CTNNBL1: variants seen among roughly 807,000 people sequenced by gnomAD.
CTNNBL1 encodes catenin beta like 1, also known as beta-catenin-like protein 1.
A neutral mutation model predicts 72.7 loss-of-function variants in CTNNBL1; 31 were observed. That is an observed-to-expected ratio of 0.43 (90% confidence interval 0.32 to 0.58). The LOEUF (loss-of-function observed/expected upper bound fraction) is 0.58, where lower values mean the gene tolerates loss of function less well. Ranked by LOEUF, CTNNBL1 falls within the 20% of genes least tolerant of loss-of-function variation. CTNNBL1 has a pLI of 0.08. For missense variants in CTNNBL1, 534 were observed against 725.1 expected, an observed-to-expected ratio of 0.74 and a Z score of 3.03; for synonymous variants, 240 against 267.3, an observed-to-expected ratio of 0.90 and a Z score of 1.00.
At chr20:37,856,419 G>C (rs1010992190) in intron 13 of CTNNBL1, among the ~76,000 whole-genome samples, 2 of 151,822 alleles carry the variant, frequency 1.3e-5, no homozygotes, top group African/African-American at 4.8e-5. Context: ...ATATCTGCTC[G>C]GGGTTCTCAG....
chr20:37,827,267 A>G (rs745764263), intron 11 of CTNNBL1, among the ~76,000 whole-genome samples: 1 of 152,224 alleles, frequency 6.6e-6, no homozygotes, highest in Non-Finnish European at 1.5e-5. Flanking sequence ...CAGGGCTGCT[A>G]TAAACATTTT....
At chr20:37,811,924 T>G (rs999575891) in intron 11 of CTNNBL1, among the ~76,000 whole-genome samples, 3 of 152,244 alleles carry the variant, frequency 2.0e-5, no homozygotes, top group African/African-American at 7.2e-5. Context: ...AAAATACCGT[T>G]TAGCACATTA....
At chr20:37,718,276 G>A (rs1341224100) in intron 1 of CTNNBL1, among the ~76,000 whole-genome samples, 53 of 134,726 alleles carry the variant, frequency 3.9e-4, no homozygotes, top group African/African-American at 1.5e-3. Flanking sequence ...GTGGCTGGCC[G>A]GGCGGGGGGC....
chr20:37,709,322 A>G (rs1408251537), intron 1 of CTNNBL1, among the ~76,000 whole-genome samples: 1 of 152,214 alleles, frequency 6.6e-6, no homozygotes, highest in Non-Finnish European at 1.5e-5. Context: ...CTGTTAATAC[A>G]TAAAATTGAG....
chr20:37,837,782 T>C (rs900113860), intron 11 of CTNNBL1, among the ~76,000 whole-genome samples: 3 of 152,220 alleles, frequency 2.0e-5, no homozygotes, highest in Non-Finnish European at 4.4e-5. Context: ...TTCCCATTCA[T>C]TCAGCAAGTA....
intron 1 of CTNNBL1, among the ~76,000 whole-genome samples, chr20:37,695,472 G>C (rs1408756629): frequency 1.3e-5 from 2 of 152,210 alleles, no homozygotes; most frequent in East Asian, 3.9e-4. Context: ...GGGATTACAG[G>C]TATGAGCCAC....
intron 10 of CTNNBL1, among the ~76,000 whole-genome samples, chr20:37,783,538 C>T (rs865980438): frequency 6.6e-6 from 1 of 151,980 alleles, no homozygotes. Context: ...TTGTTGTATC[C>T]CATAAATTTT....
At chr20:37,849,592 GCAAA>G in intron 13 of CTNNBL1, among the ~76,000 whole-genome samples, 1 of 152,262 alleles carries the variant, frequency 6.6e-6, no homozygotes, top group South Asian at 2.1e-4. Flanking sequence ...CAGAATTTTG[GCAAA>G]CAAATTAGTC....
chr20:37,849,217 TG>T (rs2072373327), intron 13 of CTNNBL1, among the ~76,000 whole-genome samples: 1 of 152,242 alleles, frequency 6.6e-6, no homozygotes, highest in Non-Finnish European at 1.5e-5. Context: ...TCTGTAGGTT[TG>T]GGCCCTCCAG....
rs528191567 is a variant in CTNNBL1 at position 37,810,679 on chromosome 20, A to G, written c.1213+7631A>G. Among the ~76,000 whole-genome samples the G allele has an allele frequency of 3.9e-5, 6 of 152,354 alleles. No individual in the cohort carries two copies. In the East Asian group the frequency reaches 1.2e-3, roughly 29 times the overall value. On this transcript the variant is annotated intron_variant, in intron 11 of 15. Transcript: ENST00000361383. ...TCTGGGAAGGCTTAAGAGATGAGAT[A>G]ACATTTGAGTACTCTTCGAAGGATA...
chr20:37,831,356 CT>C (rs2072207906), intron 11 of CTNNBL1, among the ~76,000 whole-genome samples: 1 of 82,122 alleles, frequency 1.2e-5, no homozygotes, highest in East Asian at 4.0e-4. Context: ...TTTCTTTTTT[CT>C]TTTTCTTTTC....
intron 1 of CTNNBL1, among the ~76,000 whole-genome samples, chr20:37,710,610 A>G (rs989207513): frequency 6.6e-6 from 1 of 152,134 alleles, no homozygotes; most frequent in Non-Finnish European, 1.5e-5. Flanking sequence ...CTGAGCAATT[A>G]CTGTTGTCCA....
At chr20:37,786,942 C>T (rs75905459) in intron 10 of CTNNBL1, among the ~76,000 whole-genome samples, 2,159 of 152,102 alleles carry the variant, frequency 0.014, 49 homozygotes, top group African/African-American at 0.05. Context: ...ATAAATATTC[C>T]GTGAACATTT....
intron 11 of CTNNBL1, among the ~76,000 whole-genome samples, chr20:37,823,474 A>G (rs926996007): frequency 4.6e-5 from 7 of 152,200 alleles, no homozygotes; most frequent in Admixed American, 3.3e-4. Context: ...GTGGAGCTCA[A>G]CAGTTGGTGA....
intron 11 of CTNNBL1, among the ~76,000 whole-genome samples, chr20:37,807,628 C>T (rs1008154481): frequency 6.6e-6 from 1 of 152,166 alleles, no homozygotes; most frequent in East Asian, 1.9e-4. Flanking sequence ...CAAAACTGCC[C>T]TTACAACCTA....
intron 4 of CTNNBL1, among the ~76,000 whole-genome samples, chr20:37,747,107 G>A (rs1052723639): frequency 5.3e-5 from 8 of 152,208 alleles, no homozygotes; most frequent in African/African-American, 1.7e-4. Flanking sequence ...GCTGAGTGTG[G>A]TGGCTTGTGC....
At chr20:37,716,174 C>A (rs945080645) in intron 1 of CTNNBL1, among the ~76,000 whole-genome samples, 1 of 152,082 alleles carries the variant, frequency 6.6e-6, no homozygotes, top group Non-Finnish European at 1.5e-5. Context: ...TTCTTCCTGC[C>A]CAGCAAGGTA....
At chr20:37,830,743 C>T (rs540649563) in intron 11 of CTNNBL1, among the ~76,000 whole-genome samples, 25 of 152,302 alleles carry the variant, frequency 1.6e-4, no homozygotes, top group South Asian at 2.1e-4. Flanking sequence ...CTCAGCCTCA[C>T]CTACCTTAAA....
At chr20:37,794,920 T>C (rs1418506838) in intron 10 of CTNNBL1, among the ~76,000 whole-genome samples, 1 of 152,150 alleles carries the variant, frequency 6.6e-6, no homozygotes, top group Non-Finnish European at 1.5e-5. Flanking sequence ...GGCATCTGGC[T>C]TTCTTGGTTT....
Sources: allele counts gnomAD v4.1 joint callset (sites outside exome capture counted in the v4.1 genomes callset), GRCh38; gene constraint gnomAD v4.1.1; transcripts MANE v1.5; gene names NCBI Gene and HGNC (gene_info 2026-07-23, HGNC 2026-07-21).